SLC6A20: variants seen among roughly 807,000 people sequenced by gnomAD.
SLC6A20 encodes the protein sodium- and chloride-dependent transporter XTRP3.
In SLC6A20, 73 loss-of-function variants were observed where a neutral mutation model predicts 64.3. That is an observed-to-expected ratio of 1.14 (90% CI 0.94 to 1.38). The LOEUF is 1.38. Among genes scored for constraint, SLC6A20 ranks in the 40% most tolerant of loss-of-function variants. SLC6A20 has a pLI of 0.00. For synonymous variants in SLC6A20, 347 were observed against 329.6 expected, an observed-to-expected ratio of 1.05 and a Z score of -0.57; for missense variants, 725 against 772.8, an observed-to-expected ratio of 0.94 and a Z score of 0.73.
intron 7 of SLC6A20, among the ~76,000 whole-genome samples, 190 bp downstream of exon 7, chr3:45,770,019 A>G (rs928660890): frequency 6.6e-6 from 1 of 152,212 alleles, no homozygotes; most frequent in African/African-American, 2.4e-5. Flanking sequence ...GTTTATTATA[A>G]CTAGCATTCT....
At chr3:45,780,784 T>G (rs1700070516) in intron 2 of SLC6A20, among the ~76,000 whole-genome samples, 1 of 152,116 alleles carries the variant, frequency 6.6e-6, no homozygotes, top group South Asian at 2.1e-4. Flanking sequence ...GCTGGGACAC[T>G]CGGTAGTAGA....
At chr3:45,789,358 C>CATTCGTACT (rs1700212796) in intron 1 of SLC6A20, among the ~76,000 whole-genome samples, 1 of 152,002 alleles carries the variant, frequency 6.6e-6, no homozygotes, top group African/African-American at 2.4e-5. Context: ...TAAGGCAGTA[C>CATTCGTACT]GAAATGTGAT....
intron 4 of SLC6A20, among the ~76,000 whole-genome samples, chr3:45,773,868 C>T (rs567493851): frequency 6.6e-6 from 1 of 152,262 alleles, no homozygotes; most frequent in East Asian, 1.9e-4. Flanking sequence ...TAAATCCACC[C>T]AAGATTATAA....
At chr3:45,764,377 T>G (rs1350472091) in intron 8 of SLC6A20, among the ~76,000 whole-genome samples, 1 of 151,584 alleles carries the variant, frequency 6.6e-6, no homozygotes, top group Non-Finnish European at 1.5e-5. Flanking sequence ...AGACGTAGAG[T>G]GTGTACAATA....
chr3:45,776,016 G>T, intron 3 of SLC6A20, 28 bp from the exon 4 acceptor site: 2 of 1,608,206 alleles, frequency 1.2e-6, no homozygotes, highest in South Asian at 2.2e-5. Flanking sequence ...GTGTTATCCA[G>T]GGAGGTGAAG....
chr3:45,758,956 G>C lies in SLC6A20; in HGVS notation c.*22C>G, dbSNP rs1699598465. ...CTGTAAATAGTATCTGTAAAACCGT[G>C]AGCGGCTGGGAAGCCCACATCTCAG... On this transcript the variant is annotated 3_prime_UTR_variant, in exon 11 of 11. Coordinates refer to ENST00000358525, the MANE Select transcript of SLC6A20 (RefSeq NM_020208.4). 3.2e-6 allele frequency: 5 copies of C among 1,582,708 alleles called. No homozygotes were observed. The highest frequency in any genetic ancestry group is 4.3e-6 in the Non-Finnish European group (5 of 1,164,792).
At position 45,775,945 on chromosome 3, in the gene SLC6A20, G is replaced by A. The variant is rs145010504; in HGVS notation, c.398C>T (p.Thr133Met). The change falls in exon 4 of 11, where the codon ACG (threonine) becomes ATG (methionine). Residue 133 changes from threonine (T) to methionine (M), a missense_variant. Thr to Met is a moderately conservative substitution (Grantham distance 81, BLOSUM62 -1). Transcript: ENST00000358525. The part of the protein sequence containing the change: ...WSVCPLNGNH[T>M]GYDEECEKAS... The stretch of plus-strand genomic sequence containing the variant: ...CTTCTCACACTCCTCATCGTAGCCC[G>A]TGTGGTTACCATTCAGTGGGCAGAC... 121 of 1,614,210 alleles carry A rather than the reference G, an allele frequency of 7.5e-5. No individual in the cohort carries two copies. The highest frequency in any genetic ancestry group is 1.6e-4 in the East Asian group (7 of 44,884).
chr3:45,762,172 A>G (rs759040621), intron 9 of SLC6A20, among the ~76,000 whole-genome samples: 3 of 152,174 alleles, frequency 2.0e-5, no homozygotes, highest in Admixed American at 6.5e-5. Context: ...TGCAGTCCCA[A>G]CGAGCGCCTT....
At position 45,760,038 on chromosome 3, in the gene SLC6A20, GGAGA is replaced by G. The variant is rs751674372; in HGVS notation, c.1464-20_1464-17del. 6.2e-7 allele frequency: 1 copy of G among 1,602,598 alleles called. No homozygotes were observed. The highest frequency in any genetic ancestry group is 2.2e-5 in the East Asian group (1 of 44,744). ...ACTTTCAAATCTATTTGGAAAACAG[GGAGA>G]GAAAGTCTGGATTAACCAGGCTGCG... On this transcript the variant is annotated splice_polypyrimidine_tract_variant and intron_variant, in intron 9 of 10. Transcript: ENST00000358525.
At chr3:45,784,501 A>G (rs749922980) in intron 1 of SLC6A20, among the ~76,000 whole-genome samples, 19 of 152,342 alleles carry the variant, frequency 1.2e-4, no homozygotes, top group Admixed American at 3.9e-4. Flanking sequence ...AGATTGAGAA[A>G]TTGGATTTCG....
rs942842716 is a variant in SLC6A20, at chr3:45,759,788, A to G, written c.1629+69T>C. The G allele has an allele frequency of 6.4e-5, 97 of 1,525,386 alleles. No homozygotes were observed. In the African/African-American group the frequency reaches 1.3e-3, roughly 20 times the overall value. The allele number at this position is 1,525,386 out of a possible 1,614,324, so 94.5% of individuals were successfully genotyped here. ...CATGGAAATAGTCCCCTGGTTTCGG[A>G]AAATGAATGGCCCATGCTTTTCAGT... On this transcript the variant is annotated intron_variant, in intron 10 of 10. Coordinates refer to ENST00000358525, the MANE Select transcript of SLC6A20 (RefSeq NM_020208.4).
intron 1 of SLC6A20, among the ~76,000 whole-genome samples, chr3:45,787,626 A>G (rs1559572187): frequency 6.6e-6 from 1 of 151,978 alleles, no homozygotes; most frequent in South Asian, 2.1e-4. Flanking sequence ...ACTTCCTCCA[A>G]GTGTCACCAG....
At chr3:45,762,106 G>A (rs1483388746) in intron 9 of SLC6A20, among the ~76,000 whole-genome samples, 1 of 152,204 alleles carries the variant, frequency 6.6e-6, no homozygotes, top group Non-Finnish European at 1.5e-5. Flanking sequence ...AGGCCCCCTG[G>A]ACATAGTGTG....
Position 45,758,445 on chromosome 3 carries a change from TGTC to T in SLC6A20, c.*530_*532del, listed in dbSNP as rs773657923. 10 of 1,270,524 alleles carry T rather than the reference TGTC, an allele frequency of 7.9e-6. No individual in the cohort carries two copies. Among genetic ancestry groups the T allele is most frequent in the South Asian group, 5.1e-5 (4 of 77,676 alleles). The allele number at this position is 1,270,524 out of a possible 1,614,324, so 78.7% of individuals were successfully genotyped here. A position where few individuals can be genotyped will look rare whatever the true frequency, so the allele number is the denominator to read the frequency against. ...ACAAAGATCTTCTTTCTTTATAACT[TGTC>T]ATCCTAAGATTTAAAGGGTGGAAGG... is the stretch of plus-strand genomic sequence containing the variant. On this transcript the variant is annotated 3_prime_UTR_variant, in exon 11 of 11. Transcript: ENST00000358525.
In SLC6A20 at chr3:45,771,077, G is replaced by A. The variant is rs1326070761; in HGVS notation, c.935+140C>T. ...CATGCCCCAGGCCCTCCAGCAACTG[G>A]TGGTGGTGTAGGGAGTCCAAATGTG... On this transcript the variant is annotated intron_variant, in intron 6 of 10. Coordinates refer to ENST00000358525, the MANE Select transcript of SLC6A20 (RefSeq NM_020208.4). The A allele has an allele frequency of 9.7e-6, 12 of 1,241,792 alleles. No homozygotes were observed. In the South Asian group the frequency reaches 1.5e-4, roughly 16 times the overall value. The allele number at this position is 1,241,792 out of a possible 1,614,324, so 76.9% of individuals were successfully genotyped here.
intron 7 of SLC6A20, among the ~76,000 whole-genome samples, chr3:45,767,965 A>G (rs1015408826): frequency 2.6e-5 from 4 of 152,248 alleles, no homozygotes; most frequent in African/African-American, 7.2e-5. Context: ...ACAAAATTTA[A>G]GAAAACTGTT....
At chr3:45,795,536 A>G (rs72893656) in intron 1 of SLC6A20, among the ~76,000 whole-genome samples, 2,320 of 152,258 alleles carry the variant, frequency 0.015, 72 homozygotes, top group African/African-American at 0.053. Flanking sequence ...GAGACAACCG[A>G]GAAAAAAAGT....
Position 45,765,447 on chromosome 3 carries a change from GC to G in SLC6A20, c.1303+89del. 4.2e-6 allele frequency: 6 copies of G among 1,441,130 alleles called. No homozygotes were observed. In the South Asian group the frequency reaches 7.8e-5, roughly 19 times the overall value. 89.3% of individuals were successfully genotyped at this position (1,441,130 alleles called of 1,614,324 possible). On this transcript the variant is annotated intron_variant, in intron 8 of 10. Transcript: ENST00000358525. This position sits in a 1 kb window ranked among gnomAD's most constrained non-coding sequence, Gnocchi z 4.2. ...CAACCCCCTGTAGCCACCTGAACCA[GC>G]CCATGACCCCTGAGGGAGCTCTCCC...
In SLC6A20 at chr3:45,796,528, C is replaced by T. The variant is rs377208261; in HGVS notation, c.-109G>A. 7 of 1,133,850 alleles carry T rather than the reference C, an allele frequency of 6.2e-6. No individual in the cohort carries two copies. The highest frequency in any genetic ancestry group is 6.9e-6 in the Non-Finnish European group (6 of 864,170). The allele number at this position is 1,133,850 out of a possible 1,614,324, so 70.2% of individuals were successfully genotyped here. A position where few individuals can be genotyped will look rare whatever the true frequency, so the allele number is the denominator to read the frequency against. Reference sequence around the variant, plus strand: ...CCCCGGCTCGGCTTGGGGGTGGCCCCGCGCCTCCGCCGCCGACGCAGCTAG... The same window carrying T: ...CCCCGGCTCGGCTTGGGGGTGGCCCTGCGCCTCCGCCGCCGACGCAGCTAG... On this transcript the variant is annotated 5_prime_UTR_variant, in exon 1 of 11. Coordinates refer to ENST00000358525, the MANE Select transcript of SLC6A20 (RefSeq NM_020208.4).
Sources: allele counts gnomAD v4.1 joint callset (sites outside exome capture counted in the v4.1 genomes callset), GRCh38; gene constraint gnomAD v4.1.1; non-coding constraint Gnocchi (gnomAD v3.1); transcripts MANE v1.5; gene names NCBI Gene and HGNC (gene_info 2026-07-23, HGNC 2026-07-21).